PLXND1: variants seen among roughly 807,000 people sequenced by gnomAD.
PLXND1 encodes the protein plexin-D1.
A neutral mutation model predicts 197.7 loss-of-function variants in PLXND1; 54 were observed. The observed-to-expected ratio is 0.27, with a 90% confidence interval of 0.22 to 0.34. The LOEUF is 0.34. Among genes scored for constraint, PLXND1 ranks in the 10% least tolerant of loss-of-function variants. The pLI is 1.00. For synonymous variants in PLXND1, 1,180 were observed against 1,161.2 expected (o/e 1.02, Z -0.33); for missense variants, 2,127 against 2,699.2 (o/e 0.79, Z 4.70).
chr3:129,581,289 G>T (rs1459541087), intron 8 of PLXND1, among the ~76,000 whole-genome samples: 1 of 152,130 alleles, frequency 6.6e-6, no homozygotes, highest in Admixed American at 6.5e-5. Flanking sequence ...CTGCCTCTTC[G>T]GCTAGTTACT....
At chr3:129,586,478 A>G (rs1366310640) in intron 3 of PLXND1, 110 bp downstream of exon 3, 2 of 1,318,790 alleles carry the variant, frequency 1.5e-6, no homozygotes, top group Non-Finnish European at 2.1e-6. Flanking sequence ...CAGATAAGGG[A>G]GATGGAGGAG....
intron 35 of PLXND1, 30 bp from the exon 36 acceptor site, chr3:129,556,458 A>G: frequency 1.9e-6 from 3 of 1,564,256 alleles, no homozygotes; most frequent in Non-Finnish European, 2.6e-6. Context: ...CAGCCGGGCC[A>G]TGGCCGGTAG....
Position 129,555,465 on chromosome 3 carries a change from C to T in PLXND1, c.*847G>A, listed in dbSNP as rs569209264. The T allele has an allele frequency of 8.9e-6, 6 of 677,828 alleles. No homozygotes were observed. The highest frequency in any genetic ancestry group is 5.6e-5 in the East Asian group (2 of 35,624). 42.0% of individuals were successfully genotyped at this position (677,828 alleles called of 1,614,324 possible). On this transcript the variant is annotated 3_prime_UTR_variant, in exon 36 of 36. Coordinates refer to ENST00000324093, the MANE Select transcript of PLXND1 (RefSeq NM_015103.3). ...TTCCAGTGTTGCATGGGGAGCCTCTCGGGACCCCTCCCCGGGTCCTCTGCG... is the reference window on the plus strand; with the variant it reads ...TTCCAGTGTTGCATGGGGAGCCTCTTGGGACCCCTCCCCGGGTCCTCTGCG...
Position 129,606,219 on chromosome 3 carries a change from C to T in PLXND1, c.421G>A (p.Gly141Arg). ...DPGQGLVVVC[G>R]SIYQGFCQLR... ...TGGCAGAAGCCCTGGTAGATGGACC[C>T]GCACACGACTACCAGGCCCTGGCCG... Residue 141 changes from glycine to arginine, a missense_variant, in exon 1 of 36, where the codon GGG (glycine) becomes AGG (arginine). Transcript: ENST00000324093. 3 of 1,580,084 alleles carry T rather than the reference C, an allele frequency of 1.9e-6. No homozygotes were observed. The highest frequency in any genetic ancestry group is 1.8e-5 in the Admixed American group (1 of 56,946).
rs764840606 is a variant in PLXND1, at chr3:129,559,718, G to C, written c.5199C>G (p.Pro1733=). 6.2e-7 allele frequency: 1 copy of C among 1,613,376 alleles called. No individual in the cohort carries two copies. The highest frequency in any genetic ancestry group is 1.1e-5 in the South Asian group (1 of 91,000). ...KAILSIREDK[P]PLAVKYFFDF... ...CGAAAAAGTACTTGACAGCCAGTGG[G>C]GGCTTGTCTTCACGGATACTCAGAA... is the stretch of plus-strand genomic sequence containing the variant. The change falls in exon 32 of 36, where the codon CCC becomes CCG. Residue 1733 remains proline, a synonymous_variant. Coordinates refer to ENST00000324093, the MANE Select transcript of PLXND1 (RefSeq NM_015103.3).
In PLXND1 at chr3:129,606,604, G is replaced by A. The variant is rs1454942801; in HGVS notation, c.36C>T (p.Ser12=). 5.9e-6 allele frequency: 7 copies of A among 1,192,928 alleles called. No individual in the cohort carries two copies. The South Asian group carries it at 2.1e-4, about 35-fold the overall frequency. 73.9% of individuals were successfully genotyped at this position (1,192,928 alleles called of 1,614,324 possible). Residue 12 remains serine, a synonymous_variant, in exon 1 of 36, where the codon AGC becomes AGT. Transcript: ENST00000324093. The part of the protein sequence containing the change: ...APRAAGGAPL[S]ARAAAASPPP... ...GGGGGCTGGCGGCGGCGGCCCGGGC[G>A]CTAAGGGGTGCGCCGCCCGCGGCGC...
intron 2 of PLXND1, 39 bp from the exon 3 acceptor site, chr3:129,586,758 G>A (rs189985431): frequency 5.5e-5 from 88 of 1,587,058 alleles, no homozygotes; most frequent in Middle Eastern, 3.4e-4. Flanking sequence ...GGAGCCCATA[G>A]CAGGGGAGGC....
intron 20 of PLXND1, chr3:129,569,344 G>C (rs540147329): frequency 1.5e-4 from 23 of 156,844 alleles, no homozygotes; most frequent in Middle Eastern, 6.7e-3. Flanking sequence ...AGGTCATAGG[G>C]TAATTCTATG....
intron 8 of PLXND1, among the ~76,000 whole-genome samples, chr3:129,581,924 C>T (rs2108786535): frequency 6.6e-6 from 1 of 152,366 alleles, no homozygotes; most frequent in Admixed American, 6.5e-5. Flanking sequence ...CGAGCCCCTG[C>T]TGTGTACACA....
rs1167739811 is a variant in PLXND1 at position 129,556,087 on chromosome 3, C to T, written c.*225G>A. 1.3e-5 allele frequency: 7 copies of T among 529,324 alleles called. No individual in the cohort carries two copies. The East Asian group carries it at 1.7e-4, about 13-fold the overall frequency. 32.8% of individuals were successfully genotyped at this position (529,324 alleles called of 1,614,324 possible). On this transcript the variant is annotated 3_prime_UTR_variant, in exon 36 of 36. Coordinates refer to ENST00000324093, the MANE Select transcript of PLXND1 (RefSeq NM_015103.3). ...GGAGCCTGACCAGCTCTCTGGCCTC[C>T]ATCCCAGAGACTGATCTGGGGACAG...
In PLXND1 at chr3:129,585,942, C is replaced by G; in HGVS notation, c.1851+10G>C. On this transcript the variant is annotated intron_variant, in intron 5 of 35. Coordinates refer to ENST00000324093, the MANE Select transcript of PLXND1 (RefSeq NM_015103.3). ...GTCCCGAGCTGGGTCTTGCCTCCCCCAGGACTCACTGGGTACTCCTGGCGC... is the reference window on the plus strand; with the variant it reads ...GTCCCGAGCTGGGTCTTGCCTCCCCGAGGACTCACTGGGTACTCCTGGCGC... The G allele has an allele frequency of 6.2e-7, 1 of 1,613,918 alleles. No individual in the cohort carries two copies. Among genetic ancestry groups the G allele is most frequent in the East Asian group, 2.2e-5 (1 of 44,890 alleles).
intron 8 of PLXND1, among the ~76,000 whole-genome samples, chr3:129,581,907 C>G (rs1468048508): frequency 6.6e-6 from 1 of 152,236 alleles, no homozygotes; most frequent in Non-Finnish European, 1.5e-5. Context: ...CTTCCCACCA[C>G]CATAACCGAG....
chr3:129,597,483 G>GC (rs1050587904), intron 1 of PLXND1, among the ~76,000 whole-genome samples: 212 of 151,014 alleles, frequency 1.4e-3, no homozygotes, highest in African/African-American at 2.3e-3. Flanking sequence ...CTGCCTGCGG[G>GC]CCCCCCCCCA....
In PLXND1 at chr3:129,574,353, C is replaced by T. The variant is rs754176157; in HGVS notation, c.2668G>A (p.Ala890Thr). 7.8e-5 allele frequency: 126 copies of T among 1,605,416 alleles called. 1 individual carries two copies. Among genetic ancestry groups the T allele is most frequent in the Middle Eastern group, 3.4e-4 (2 of 5,942 alleles). ...PLQPMAGTCP[A>T]PEIHAIEPLS... ...ATGCTTACCGCGTGGATCTCGGGGG[C>T]GGGGCAGGTGCCAGCCATGGGCTGC... The change falls in exon 12 of 36, where the codon GCC becomes ACC. Residue 890 changes from alanine (A) to threonine (T), a missense_variant. Coordinates refer to ENST00000324093, the MANE Select transcript of PLXND1 (RefSeq NM_015103.3).
At chr3:129,596,475 C>G (rs1160339407) in intron 1 of PLXND1, among the ~76,000 whole-genome samples, 4 of 152,198 alleles carry the variant, frequency 2.6e-5, no homozygotes, top group South Asian at 2.1e-4. Context: ...CTCCCCTCCC[C>G]CTGGGTCCCA....
At chr3:129,587,019 C>G (rs1298131175) in intron 2 of PLXND1, among the ~76,000 whole-genome samples, 1 of 152,160 alleles carries the variant, frequency 6.6e-6, no homozygotes, top group Non-Finnish European at 1.5e-5. Context: ...GGCACCATGG[C>G]TAAGGGCAGG....
Position 129,565,509 on chromosome 3 carries a change from G to A in PLXND1, c.4352C>T (p.Ala1451Val), listed in dbSNP as rs368069685. 36 of 1,613,610 alleles carry A rather than the reference G, an allele frequency of 2.2e-5. No individual in the cohort carries two copies. The highest frequency in any genetic ancestry group is 1.6e-4 in the Middle Eastern group (1 of 6,078). Residue 1451 changes from alanine (A) to valine (V), a missense_variant, in exon 25 of 36, where the codon GCG becomes GTG. Physicochemically the swap from Ala to Val is moderately conservative, Grantham distance 64. This residue lies in a region of PLXND1 where 532 missense variants were observed against 811.0 expected (regional missense o/e 0.66). Transcript: ENST00000324093. ...GTAGTACTCCAGCTTGCCGTGCAGC[G>A]CGATGGTCAGCAGCGAGGCCAGGCT... ...RCSLASLLTIALHGKLEYYTS... is the reference protein window; with the variant it reads ...RCSLASLLTIVLHGKLEYYTS...
intron 29 of PLXND1, chr3:129,561,152 C>A (rs2085053601): frequency 2.1e-6 from 1 of 466,748 alleles, no homozygotes; most frequent in East Asian, 6.7e-5. Context: ...TTGCCCACCC[C>A]ACCCCTGAGC....
At chr3:129,561,998 C>A (rs1213014035) in intron 27 of PLXND1, 95 bp from the exon 28 acceptor site, 18 of 794,970 alleles carry the variant, frequency 2.3e-5, no homozygotes, top group Non-Finnish European at 3.3e-5. Context: ...GCCTCTCGCT[C>A]TCTCCATGTA....
Sources: gnomAD v4.1 joint callset for allele counts (sites outside exome capture counted in the v4.1 genomes callset) on GRCh38, gnomAD v4.1.1 for gene constraint, gnomAD v4.1.1 regional missense constraint, MANE v1.5 for transcripts, NCBI Gene and HGNC (gene_info 2026-07-23, HGNC 2026-07-21) for gene names.